SEMA3D: variants seen among roughly 807,000 people sequenced by gnomAD.
The protein encoded by SEMA3D is semaphorin-3D.
SEMA3D carries 84 observed loss-of-function variants against 100.1 expected under a neutral mutation model. The observed-to-expected ratio is 0.84, with a 90% CI of 0.70 to 1.01. The LOEUF (loss-of-function observed/expected upper bound fraction) is 1.01. Ranked by LOEUF, SEMA3D falls within the 50% of genes least tolerant of loss-of-function variation. The pLI is 0.00. For missense variants in SEMA3D, 875 were observed against 934.1 expected, an observed-to-expected ratio of 0.94 and a Z score of 0.82; for synonymous variants, 312 against 320.7, an observed-to-expected ratio of 0.97 and a Z score of 0.29.
intron 8 of SEMA3D, among the ~76,000 whole-genome samples, chr7:85,057,563 A>C (rs1791356359): frequency 6.6e-6 from 1 of 152,148 alleles, no homozygotes. Flanking sequence ...GGTGTTATGA[A>C]AATCACTCTC....
intron 4 of SEMA3D, 42 bp downstream of exon 4, chr7:85,097,763 A>G: frequency 7.9e-7 from 1 of 1,270,792 alleles, no homozygotes; most frequent in Non-Finnish European, 1.1e-6. Context: ...AGAGAGATGA[A>G]AATAAATGAA....
intron 8 of SEMA3D, among the ~76,000 whole-genome samples, chr7:85,056,948 T>C (rs1791336475): frequency 6.7e-6 from 1 of 149,312 alleles, no homozygotes; most frequent in South Asian, 2.1e-4. Flanking sequence ...AGGCTGGTTA[T>C]ATAATAAGTA....
intron 17 of SEMA3D, among the ~76,000 whole-genome samples, chr7:85,008,662 G>A (rs773401599): frequency 5.9e-5 from 9 of 151,794 alleles, no homozygotes; most frequent in Middle Eastern, 3.4e-3. Context: ...CTACTTGATA[G>A]TTGCAGTCAA....
chr7:85,212,409 C>T, the SEMA3D span, among the ~76,000 whole-genome samples: 1 of 152,078 alleles, frequency 6.6e-6, no homozygotes, highest in Non-Finnish European at 1.5e-5. Context: ...ACCCTTCAGC[C>T]TTAGAATAGC....
In SEMA3D at chr7:84,996,945, A is replaced by G. The variant is rs986412416; in HGVS notation, c.*2495T>C. On this transcript the variant is annotated 3_prime_UTR_variant, in exon 19 of 19. Transcript: ENST00000284136. ...AGACAACTAAAAAGCTAAGAAAAAA[A>G]CACATTTTAGATATTCTTTATCTTT... 2 of 151,956 alleles carry G rather than the reference A, an allele frequency of 1.3e-5. No homozygotes were observed. The highest frequency in any genetic ancestry group is 3.8e-4 in the East Asian group (2 of 5,196). 9.4% of individuals were successfully genotyped at this position (151,956 alleles called of 1,614,324 possible).
intron 9 of SEMA3D, among the ~76,000 whole-genome samples, chr7:85,047,487 T>C (rs1374092737): frequency 6.6e-6 from 1 of 151,794 alleles, no homozygotes; most frequent in Non-Finnish European, 1.5e-5. Flanking sequence ...TTAAACGTGA[T>C]TTTATCTGTA....
chr7:85,194,660 G>A, the SEMA3D span, among the ~76,000 whole-genome samples: 1 of 152,110 alleles, frequency 6.6e-6, no homozygotes, highest in Non-Finnish European at 1.5e-5. Flanking sequence ...ATCTAGGAGT[G>A]GAAGGGAGGT....
intron 12 of SEMA3D, among the ~76,000 whole-genome samples, chr7:85,024,750 A>T (rs1790346636): frequency 6.6e-6 from 1 of 152,012 alleles, no homozygotes; most frequent in Admixed American, 6.6e-5. Flanking sequence ...ATGCTTGCAC[A>T]AATGAAAATG....
chr7:85,164,434 T>A (rs1415579459), intron 1 of SEMA3D, among the ~76,000 whole-genome samples: 1 of 152,130 alleles, frequency 6.6e-6, no homozygotes, highest in Non-Finnish European at 1.5e-5. Context: ...ATTTTTGAGC[T>A]GCAAATCTTT....
chr7:85,092,169 G>C (rs1328268117), intron 4 of SEMA3D, among the ~76,000 whole-genome samples: 2 of 151,978 alleles, frequency 1.3e-5, no homozygotes, highest in Non-Finnish European at 1.5e-5. Flanking sequence ...TCTTGTACTA[G>C]TTCAAAACCA....
At position 85,118,152 on chromosome 7, in the gene SEMA3D, GT is replaced by G. The variant is rs1162003404; in HGVS notation, c.151+3588del. ...CTCCAATCTTTAATTCATGCAGTAA[GT>G]TTTTAATTTCAGATATAATTTTCAT... On this transcript the variant is annotated intron_variant, in intron 3 of 18. Coordinates refer to ENST00000284136, the MANE Select transcript of SEMA3D (RefSeq NM_001384900.1). 2.6e-5 allele frequency among the ~76,000 whole-genome samples: 4 copies of G among 152,026 alleles called. No homozygotes were observed. The East Asian group carries it at 7.7e-4, about 29-fold the overall frequency.
At chr7:85,095,536 C>T (rs904944390) in intron 4 of SEMA3D, among the ~76,000 whole-genome samples, 4 of 152,022 alleles carry the variant, frequency 2.6e-5, no homozygotes, top group Non-Finnish European at 5.9e-5. Flanking sequence ...TGGTTTCCTC[C>T]GCAAAAGAGT....
At position 85,018,290 on chromosome 7, in the gene SEMA3D, AG is replaced by A. The variant is rs1562784684; in HGVS notation, c.1506del (p.Ser503HisfsTer5). On this transcript the variant is annotated frameshift_variant and splice_region_variant, in exon 15 of 19. Transcript: ENST00000284136. LOFTEE classifies it high-confidence loss of function. ...AATTCCATGTTCAAGATGATTGATG[AG>A]TGCTGAAAATAGAAGTTAAATGTCA... ...VVLEELQIFK[H>X]SSIILNMELS... 1 of 1,586,554 alleles carries A rather than the reference AG, an allele frequency of 6.3e-7. No individual in the cohort carries two copies. Among genetic ancestry groups the A allele is most frequent in the South Asian group, 1.1e-5 (1 of 90,322 alleles).
intron 12 of SEMA3D, among the ~76,000 whole-genome samples, chr7:85,032,605 T>C (rs1331936693): frequency 1.3e-5 from 2 of 151,976 alleles, no homozygotes; most frequent in East Asian, 1.9e-4. Context: ...ACAAAATCAA[T>C]TGGATAGGGT....
rs534587400 is a variant in SEMA3D, at chr7:85,015,080, C to T, written c.1682G>A (p.Arg561Gln). The change falls in exon 16 of 19, where the codon CGA becomes CAA. Residue 561 changes from arginine to glutamine, a missense_variant. Arg to Gln is a conservative substitution (Grantham distance 43). Coordinates refer to ENST00000284136, the MANE Select transcript of SEMA3D (RefSeq NM_001384900.1). ...TTACCTTTTAGAAGTAGGAGCATAT[C>T]GAGAGCATGCATTTCCATCCCAGGC... is the stretch of plus-strand genomic sequence containing the variant. ...YCAWDGNACS[R>Q]YAPTSKRRAR... 13 of 1,611,310 alleles carry T rather than the reference C, an allele frequency of 8.1e-6. No homozygotes were observed. Among genetic ancestry groups the T allele is most frequent in the African/African-American group, 5.3e-5 (4 of 74,818 alleles).
chr7:85,055,645 CATATATATATAT>C (rs56131427), intron 9 of SEMA3D, 60 bp downstream of exon 9: 2,188 of 159,668 alleles, frequency 0.014, 31 homozygotes, highest in African/African-American at 0.043. Flanking sequence ...TTTTCATATA[CATATATATATAT>C]ATATATATAT....
chr7:85,231,643 G>T, the SEMA3D span, among the ~76,000 whole-genome samples: 1 of 151,740 alleles, frequency 6.6e-6, no homozygotes, highest in Non-Finnish European at 1.5e-5. Context: ...GTAGAGACAG[G>T]GTTTCACTGT....
At chr7:85,126,375 CGTGTGTGT>C (rs34641872) in intron 2 of SEMA3D, among the ~76,000 whole-genome samples, 7 of 130,940 alleles carry the variant, frequency 5.3e-5, no homozygotes, top group African/African-American at 9.3e-5. Context: ...GATTCTTTCT[CGTGTGTGT>C]GTGTGTGTGT....
At chr7:85,129,636 C>T (rs971281993) in intron 2 of SEMA3D, among the ~76,000 whole-genome samples, 14 of 152,052 alleles carry the variant, frequency 9.2e-5, no homozygotes, top group Admixed American at 6.6e-5. Flanking sequence ...TAAATGATAA[C>T]ATGGGGTTAT....
Sources: allele counts gnomAD v4.1 joint callset (sites outside exome capture counted in the v4.1 genomes callset), GRCh38; gene constraint gnomAD v4.1.1; transcripts MANE v1.5; gene names NCBI Gene and HGNC (gene_info 2026-07-23, HGNC 2026-07-21).